Variants in ERBB4 observed in about 807,000 individuals in gnomAD.
ERBB4 encodes the protein receptor tyrosine-protein kinase erbB-4.
ERBB4 carries 42 observed loss-of-function variants against 158.0 expected under a neutral mutation model. The observed-to-expected ratio is 0.27, with a 90% CI of 0.21 to 0.34. ERBB4 has a LOEUF of 0.34. Ranked by LOEUF, ERBB4 falls within the 10% of genes least tolerant of loss-of-function variation. ERBB4 has a pLI of 1.00. For synonymous variants in ERBB4, 583 were observed against 558.7 expected (o/e 1.04, Z -0.61); for missense variants, 1,333 against 1,624.1 (o/e 0.82, Z 3.08).
At chr2:211,452,939 C>CA (rs1370857948) in intron 20 of ERBB4, among the ~76,000 whole-genome samples, 1 of 152,148 alleles carries the variant, frequency 6.6e-6, no homozygotes, top group African/African-American at 2.4e-5. Flanking sequence ...ATTAGTCTCT[C>CA]AGAGTGTTTT....
intron 20 of ERBB4, among the ~76,000 whole-genome samples, chr2:211,549,797 C>A (rs1401575201): frequency 6.6e-6 from 1 of 152,126 alleles, no homozygotes; most frequent in African/African-American, 2.4e-5. Context: ...CTGGAGGGTT[C>A]TGCTGTGATG....
chr2:212,203,628 C>G (rs1313190174), intron 1 of ERBB4, among the ~76,000 whole-genome samples: 1 of 152,196 alleles, frequency 6.6e-6, no homozygotes, highest in East Asian at 1.9e-4. Context: ...GCATCACAGA[C>G]CACCACATCA....
chr2:211,390,077 T>C (rs1356209234), intron 25 of ERBB4, among the ~76,000 whole-genome samples: 1 of 152,214 alleles, frequency 6.6e-6, no homozygotes, highest in Non-Finnish European at 1.5e-5. Context: ...ACTCCAGTGA[T>C]TTGTAATATA....
chr2:212,491,417 C>T (rs1690269912), intron 1 of ERBB4, among the ~76,000 whole-genome samples: 2 of 151,522 alleles, frequency 1.3e-5, no homozygotes, highest in Non-Finnish European at 3.0e-5. Flanking sequence ...ATTCTTCTTA[C>T]AAGTACAGTA....
chr2:212,351,070 T>C (rs1244289871), intron 1 of ERBB4, among the ~76,000 whole-genome samples: 2 of 152,170 alleles, frequency 1.3e-5, no homozygotes, highest in Admixed American at 6.6e-5. Flanking sequence ...CAGAATGTGA[T>C]TGTACTTGGA....
At chr2:211,841,548 A>G (rs1174317666) in intron 3 of ERBB4, among the ~76,000 whole-genome samples, 1 of 151,998 alleles carries the variant, frequency 6.6e-6, no homozygotes, top group African/African-American at 2.4e-5. Context: ...GGTATAGTAT[A>G]AGGATTATAT....
At chr2:211,805,538 G>C (rs564877898) in intron 3 of ERBB4, among the ~76,000 whole-genome samples, 25 of 152,302 alleles carry the variant, frequency 1.6e-4, no homozygotes, top group Admixed American at 5.2e-4. Flanking sequence ...TTTGTTCTAA[G>C]TCTTTCAAGA....
chr2:211,685,837 T>C (rs1574984136), intron 12 of ERBB4, among the ~76,000 whole-genome samples: 1 of 152,290 alleles, frequency 6.6e-6, no homozygotes. Flanking sequence ...GTCCTGTATA[T>C]GTTTTGTTAA....
In ERBB4 at chr2:212,357,507, C is replaced by T. The variant is rs550319793; in HGVS notation, c.82+180942G>A. ...CAAAAGGTAATTCAGCAGAAATATA[C>T]AATAAAAATAAGCTTGTTTTATCAA... On this transcript the variant is annotated intron_variant, in intron 1 of 27. Coordinates refer to ENST00000342788, the MANE Select transcript of ERBB4 (RefSeq NM_005235.3). Among the ~76,000 whole-genome samples, 222 of 151,816 alleles carry T rather than the reference C, an allele frequency of 1.5e-3. 2 individuals carry two copies. Among genetic ancestry groups the T allele is most frequent in the Non-Finnish European group, 1.5e-3 (102 of 67,830 alleles).
chr2:212,367,653 C>G (rs2089939458), intron 1 of ERBB4, among the ~76,000 whole-genome samples: 1 of 151,904 alleles, frequency 6.6e-6, no homozygotes, highest in African/African-American at 2.4e-5. Flanking sequence ...AACAGACAAC[C>G]CATAGAGTGG....
chr2:212,354,207 A>G (rs952448796), intron 1 of ERBB4, among the ~76,000 whole-genome samples: 2 of 152,104 alleles, frequency 1.3e-5, no homozygotes, highest in African/African-American at 2.4e-5. Flanking sequence ...TGTATAAGTG[A>G]GGTTTAAAGC....
intron 2 of ERBB4, among the ~76,000 whole-genome samples, chr2:211,957,040 G>A (rs2081054189): frequency 6.6e-6 from 1 of 151,802 alleles, no homozygotes; most frequent in African/African-American, 2.4e-5. Flanking sequence ...ATGTTGCTGT[G>A]GCTGGTTTTG....
chr2:211,740,622 C>CTTTTTTTTTTTTT (rs1169540948), intron 5 of ERBB4, among the ~76,000 whole-genome samples: 31 of 90,176 alleles, frequency 3.4e-4, no homozygotes, highest in African/African-American at 4.8e-4. Context: ...TTTTCTTTGT[C>CTTTTTTTTTTTTT]TTTTTTTTTT....
chr2:211,906,877 G>T (rs2079406451), intron 3 of ERBB4, among the ~76,000 whole-genome samples: 1 of 151,610 alleles, frequency 6.6e-6, no homozygotes, highest in African/African-American at 2.4e-5. Context: ...GGCCTCCTGT[G>T]TTGAAGTTGG....
intron 2 of ERBB4, among the ~76,000 whole-genome samples, chr2:212,030,887 C>T (rs2076887803): frequency 6.6e-6 from 1 of 152,018 alleles, no homozygotes; most frequent in South Asian, 2.1e-4. Context: ...ATTGTAAATA[C>T]AGTACTAAAA....
At chr2:211,751,504 G>T (rs1038821502) in intron 4 of ERBB4, among the ~76,000 whole-genome samples, 3 of 152,088 alleles carry the variant, frequency 2.0e-5, no homozygotes, top group African/African-American at 7.2e-5. Flanking sequence ...ATAAAATATA[G>T]ATGTTAAAAA....
chr2:212,292,916 T>C (rs1025617558), intron 1 of ERBB4, among the ~76,000 whole-genome samples: 7 of 151,924 alleles, frequency 4.6e-5, no homozygotes, highest in Non-Finnish European at 1.0e-4. Flanking sequence ...GGTAGTGAAC[T>C]GAAATCAAAT....
At chr2:211,628,447 G>T (rs1052099023) in intron 17 of ERBB4, among the ~76,000 whole-genome samples, 1 of 152,134 alleles carries the variant, frequency 6.6e-6, no homozygotes, top group Non-Finnish European at 1.5e-5. Context: ...GCGATAGTTT[G>T]CTGAGAATGA....
chr2:211,952,163 T>A (rs2125151004), intron 2 of ERBB4, among the ~76,000 whole-genome samples: 1 of 152,196 alleles, frequency 6.6e-6, no homozygotes, highest in Non-Finnish European at 1.5e-5. Context: ...CTTATTTTGG[T>A]CTCTGTATTC....
Sources: gnomAD v4.1 joint callset for allele counts (sites outside exome capture counted in the v4.1 genomes callset) on GRCh38, gnomAD v4.1.1 for gene constraint, MANE v1.5 for transcripts, NCBI Gene and HGNC (gene_info 2026-07-23, HGNC 2026-07-21) for gene names.